The following ACACB variants were observed in gnomAD, a reference collection of about 807,000 sequenced individuals.
ACACB encodes acetyl-CoA carboxylase beta, also known as acetyl-CoA carboxylase 2.
Under a neutral mutation model 278.8 loss-of-function variants are expected in ACACB, and 209 were observed. The ratio of observed to expected loss-of-function variants is 0.75; its 90% CI spans 0.67 to 0.84. The LOEUF (loss-of-function observed/expected upper bound fraction) is 0.84. ACACB is among the 40% of genes least tolerant of loss of function. ACACB has a pLI of 0.00. For missense variants in ACACB, 2,850 were observed against 3,269.0 expected, an observed-to-expected ratio of 0.87 and a Z score of 3.13; for synonymous variants, 1,174 against 1,285.6, an observed-to-expected ratio of 0.91 and a Z score of 1.86.
chr12:109,223,894 C>T lies in ACACB; in HGVS notation c.3872C>T (p.Ala1291Val). 4 of 1,613,978 alleles carry T rather than the reference C, an allele frequency of 2.5e-6. No homozygotes were observed. Among genetic ancestry groups the T allele is most frequent in the Middle Eastern group, 1.6e-4 (1 of 6,062 alleles). The change falls in exon 27 of 53, where the codon GCG (alanine) becomes GTG (valine). Residue 1291 changes from alanine to valine, a missense_variant. Coordinates refer to ENST00000338432, the MANE Select transcript of ACACB (RefSeq NM_001093.4). ...FYHANKVVCM[A>V]SLEVYVRRGY... ...CACGCAAACAAAGTCGTGTGCATGGCGTCCTTGGAGGTAAGCAGGAGAGGC... is the reference window on the plus strand; with the variant it reads ...CACGCAAACAAAGTCGTGTGCATGGTGTCCTTGGAGGTAAGCAGGAGAGGC...
chr12:109,239,635 C>G (rs2046735977), intron 34 of ACACB, among the ~76,000 whole-genome samples, 195 bp from the exon 35 acceptor site: 1 of 152,256 alleles, frequency 6.6e-6, no homozygotes, highest in African/African-American at 2.4e-5. Flanking sequence ...AAATAGGACA[C>G]ATGTCAATAC....
intron 2 of ACACB, among the ~76,000 whole-genome samples, chr12:109,156,864 C>T (rs1018714661): frequency 9.2e-5 from 14 of 152,020 alleles, no homozygotes; most frequent in African/African-American, 3.4e-4. Context: ...ATGGGTGCAA[C>T]AGTAATAGCC....
chr12:109,244,636 A>G (rs2046890825), intron 37 of ACACB, among the ~76,000 whole-genome samples: 1 of 151,672 alleles, frequency 6.6e-6, no homozygotes, highest in African/African-American at 2.4e-5. Context: ...TTTTTTATTT[A>G]TAGTGGAGAC....
chr12:109,139,417 T>G lies in ACACB; in HGVS notation c.12T>G (p.Leu4=). MVL[L]LCLSCLIFSC... The stretch of plus-strand genomic sequence containing the variant: ...TACAGATTTTCTGAATGGTCTTGCT[T>G]CTTTGTCTATCTTGTCTGATTTTCT... Residue 4 remains leucine, a synonymous_variant, in exon 2 of 53, where the codon CTT becomes CTG. Coordinates refer to ENST00000338432, the MANE Select transcript of ACACB (RefSeq NM_001093.4). 1.2e-6 allele frequency: 2 copies of G among 1,612,488 alleles called. No individual in the cohort carries two copies. Among genetic ancestry groups the G allele is most frequent in the Non-Finnish European group, 1.7e-6 (2 of 1,179,208 alleles).
intron 2 of ACACB, among the ~76,000 whole-genome samples, chr12:109,154,286 G>A (rs2136092486): frequency 6.6e-6 from 1 of 152,314 alleles, no homozygotes; most frequent in South Asian, 2.1e-4. Context: ...AGGGAGTGGA[G>A]GTGAAAAGAT....
intron 2 of ACACB, among the ~76,000 whole-genome samples, chr12:109,153,068 C>T (rs895950940): frequency 6.6e-6 from 1 of 152,146 alleles, no homozygotes; most frequent in Non-Finnish European, 1.5e-5. Flanking sequence ...CTCACTTAAA[C>T]CTCTGCCTCG....
chr12:109,147,765 C>T (rs1054720678), intron 2 of ACACB, among the ~76,000 whole-genome samples: 1 of 151,800 alleles, frequency 6.6e-6, no homozygotes, highest in Non-Finnish European at 1.5e-5. Flanking sequence ...TTCTGCATTA[C>T]GGGGGAATGT....
intron 31 of ACACB, 67 bp downstream of exon 31, chr12:109,234,112 A>AGGC: frequency 7.3e-7 from 1 of 1,372,584 alleles, no homozygotes. Flanking sequence ...GGGCTCGTCG[A>AGGC]GGCGGCCCTT....
chr12:109,143,454 C>G (rs1057451485), intron 2 of ACACB, among the ~76,000 whole-genome samples: 1 of 117,834 alleles, frequency 8.5e-6, no homozygotes, highest in Non-Finnish European at 1.8e-5. Flanking sequence ...CACAGGCAGA[C>G]CCTGTCTCAA....
At chr12:109,176,367 T>A in intron 9 of ACACB, 104 bp downstream of exon 9, 1 of 1,030,170 alleles carries the variant, frequency 9.7e-7, no homozygotes, top group East Asian at 2.4e-5. Flanking sequence ...AAGAAGACAT[T>A]TGTAGGAGCT....
intron 24 of ACACB, among the ~76,000 whole-genome samples, chr12:109,221,508 C>G (rs1327396087): frequency 6.6e-6 from 1 of 152,152 alleles, no homozygotes; most frequent in East Asian, 1.9e-4. Context: ...GCAGAAAGGC[C>G]CTTCTTTCAG....
intron 33 of ACACB, 39 bp from the exon 34 acceptor site, chr12:109,237,126 T>C (rs1258852195): frequency 6.2e-7 from 1 of 1,602,984 alleles, no homozygotes; most frequent in Non-Finnish European, 8.5e-7. Context: ...TCACGCTGTG[T>C]GTGTATGTGT....
chr12:109,210,452 T>A (rs1225838086), intron 21 of ACACB, among the ~76,000 whole-genome samples: 5 of 143,340 alleles, frequency 3.5e-5, no homozygotes, highest in African/African-American at 1.3e-4. Flanking sequence ...CATGTGTATA[T>A]ATGTATATAT....
intron 7 of ACACB, among the ~76,000 whole-genome samples, chr12:109,174,643 A>G (rs2136198518): frequency 6.6e-6 from 1 of 151,624 alleles, no homozygotes; most frequent in South Asian, 2.1e-4. Flanking sequence ...GAGGAGGATC[A>G]CTTGAAGCCA....
At chr12:109,163,613 G>T (rs2043806711) in intron 2 of ACACB, among the ~76,000 whole-genome samples, 1 of 152,142 alleles carries the variant, frequency 6.6e-6, no homozygotes, top group African/African-American at 2.4e-5. Context: ...GAGAAAAAAA[G>T]AGGCAAGGAC....
chr12:109,192,361 C>T (rs766592677), intron 15 of ACACB, among the ~76,000 whole-genome samples: 2 of 152,148 alleles, frequency 1.3e-5, no homozygotes, highest in Non-Finnish European at 2.9e-5. Context: ...TGGAAAGCAA[C>T]CAGGCGATCT....
chr12:109,158,717 T>C (rs2043622668), intron 2 of ACACB, among the ~76,000 whole-genome samples: 1 of 152,204 alleles, frequency 6.6e-6, no homozygotes. Context: ...CTCACACTTG[T>C]GGTCCCAGCA....
intron 9 of ACACB, among the ~76,000 whole-genome samples, chr12:109,176,901 TC>T (rs2044300974): frequency 6.6e-6 from 1 of 152,204 alleles, no homozygotes; most frequent in Non-Finnish European, 1.5e-5. Flanking sequence ...ACAGGTGTGA[TC>T]CGCTGCGCCC....
intron 2 of ACACB, among the ~76,000 whole-genome samples, chr12:109,145,648 A>G (rs1275136107): frequency 6.6e-6 from 1 of 152,160 alleles, no homozygotes; most frequent in Non-Finnish European, 1.5e-5. Context: ...AAAAAGGCAA[A>G]TACAGTGAGC....
Sources: allele counts gnomAD v4.1 joint callset (sites outside exome capture counted in the v4.1 genomes callset), GRCh38; gene constraint gnomAD v4.1.1; transcripts MANE v1.5; gene names NCBI Gene and HGNC (gene_info 2026-07-23, HGNC 2026-07-21).